PPP1CB: variants seen among roughly 807,000 people sequenced by gnomAD.
PPP1CB encodes the protein serine/threonine-protein phosphatase PP1-beta catalytic subunit.
In PPP1CB, 2 loss-of-function variants were observed where a neutral mutation model predicts 43.7. That is an observed-to-expected ratio of 0.05 (90% CI 0.02 to 0.14). The LOEUF (loss-of-function observed/expected upper bound fraction) is 0.14. PPP1CB is among the 10% of genes least tolerant of loss of function. The probability of loss-of-function intolerance (pLI) is 1.00; values close to 1 mark genes in which losing one functional copy is unlikely to be tolerated. For synonymous variants in PPP1CB, 136 were observed against 135.6 expected (o/e 1.00, Z -0.02); for missense variants, 84 against 398.0 (o/e 0.21, Z 6.71).
rs908440448 is a variant in PPP1CB, at chr2:28,751,936, C to T, written c.-189C>T. On this transcript the variant is annotated 5_prime_UTR_variant, in exon 1 of 8. Transcript: ENST00000395366. ...TTTATTTATTTTCCGTGGGTGCCTC[C>T]GAGTGTGCGCGCGCTCTCGCTACCC... 130 of 638,268 alleles carry T rather than the reference C, an allele frequency of 2.0e-4. No individual in the cohort carries two copies. The highest frequency in any genetic ancestry group is 3.3e-4 in the Non-Finnish European group (119 of 360,504). 39.5% of individuals were successfully genotyped at this position (638,268 alleles called of 1,614,324 possible). A position where few individuals can be genotyped will look rare whatever the true frequency, so the allele number is the denominator to read the frequency against.
In PPP1CB at chr2:28,800,272, C is replaced by T. The variant is rs1429962735; in HGVS notation, c.*969C>T. On this transcript the variant is annotated 3_prime_UTR_variant, in exon 8 of 8. Transcript: ENST00000395366. ...TTTGAGTTGTTGTTTGTTTTTAGAT[C>T]CACAGTACATGAGAATCCTTTTTTG... 1 of 93,360 alleles carries T rather than the reference C, an allele frequency of 1.1e-5. No homozygotes were observed. The highest frequency in any genetic ancestry group is 2.0e-5 in the Non-Finnish European group (1 of 49,604). The allele number at this position is 93,360 out of a possible 1,614,324, so 5.8% of individuals were successfully genotyped here.
upstream of PPP1CB, chr2:28,751,803 G>GGGCCGTCGGCGGCGCTGGTGAGC (rs1340676601): frequency 4.5e-6 from 2 of 444,704 alleles, no homozygotes; most frequent in Admixed American, 3.6e-5. Flanking sequence ...GCTGCGGGTG[G>GGGCCGTCGGCGGCGCTGGTGAGC]GGCCGTCGGC....
chr2:28,777,010 A>G (rs778920568), intron 2 of PPP1CB, 28 bp downstream of exon 2: 3 of 1,600,442 alleles, frequency 1.9e-6, no homozygotes, highest in South Asian at 2.2e-5. Context: ...GTTGGAAACA[A>G]CTCTTTTGAA....
At chr2:28,778,229 C>T (rs1225000589) in intron 2 of PPP1CB, 5 of 370,706 alleles carry the variant, frequency 1.3e-5, no homozygotes, top group East Asian at 7.3e-5. Flanking sequence ...TAAAAAGTGA[C>T]GTAAGTTAAA....
intron 7 of PPP1CB, among the ~76,000 whole-genome samples, chr2:28,796,577 G>A (rs1396372822): frequency 6.6e-6 from 1 of 152,014 alleles, no homozygotes; most frequent in Non-Finnish European, 1.5e-5. Context: ...TCTCAGCTTG[G>A]ATGTTTTTGA....
At chr2:28,795,979 A>G (rs1667488881) in intron 7 of PPP1CB, among the ~76,000 whole-genome samples, 1 of 152,070 alleles carries the variant, frequency 6.6e-6, no homozygotes, top group Non-Finnish European at 1.5e-5. Flanking sequence ...TGTATGGTGA[A>G]AGGGGTCCAG....
At chr2:28,780,555 G>A (rs1163344781) in intron 3 of PPP1CB, among the ~76,000 whole-genome samples, 1 of 152,174 alleles carries the variant, frequency 6.6e-6, no homozygotes, top group Non-Finnish European at 1.5e-5. Context: ...CATCAGAAAT[G>A]GAGGTATATT....
At chr2:28,757,574 GT>G (rs1222385504) in intron 1 of PPP1CB, among the ~76,000 whole-genome samples, 1 of 152,208 alleles carries the variant, frequency 6.6e-6, no homozygotes, top group Non-Finnish European at 1.5e-5. Flanking sequence ...TAGGGAAGGT[GT>G]TTTGTGTGGA....
At chr2:28,794,448 C>T (rs1197563949) in intron 7 of PPP1CB, among the ~76,000 whole-genome samples, 5 of 152,032 alleles carry the variant, frequency 3.3e-5, no homozygotes, top group Non-Finnish European at 7.4e-5. Context: ...CCCAGCACTT[C>T]GGGAGGCTGA....
At chr2:28,788,544 A>G in intron 5 of PPP1CB, 114 bp from the exon 6 acceptor site, 3 of 1,135,918 alleles carry the variant, frequency 2.6e-6, no homozygotes, top group Non-Finnish European at 3.8e-6. Flanking sequence ...AGTGATGGTC[A>G]TTGTTTAGTA....
chr2:28,761,754 G>A (rs1223881045), intron 1 of PPP1CB, among the ~76,000 whole-genome samples: 1 of 152,132 alleles, frequency 6.6e-6, no homozygotes, highest in East Asian at 1.9e-4. Context: ...TGACATATCA[G>A]TGTTGGTGCT....
chr2:28,754,793 A>G (rs1038845972), intron 1 of PPP1CB, among the ~76,000 whole-genome samples: 2 of 152,234 alleles, frequency 1.3e-5, no homozygotes, highest in Admixed American at 6.5e-5. Context: ...AAGAATAACT[A>G]TGGTTAGTGT....
chr2:28,775,404 C>T (rs992906838), intron 1 of PPP1CB, among the ~76,000 whole-genome samples: 3 of 152,162 alleles, frequency 2.0e-5, no homozygotes, highest in East Asian at 1.9e-4. Flanking sequence ...CCACCGTGCC[C>T]GGCCTTTATT....
At chr2:28,779,795 T>G (rs748925409) in intron 3 of PPP1CB, among the ~76,000 whole-genome samples, 1 of 152,204 alleles carries the variant, frequency 6.6e-6, no homozygotes, top group Non-Finnish European at 1.5e-5. Context: ...CATATCTCCT[T>G]GATTTATATA....
chr2:28,799,085 C>T, intron 7 of PPP1CB, 114 bp from the exon 8 acceptor site: 1 of 690,940 alleles, frequency 1.4e-6, no homozygotes, highest in Non-Finnish European at 2.5e-6. Flanking sequence ...TGCTATTCTA[C>T]ATTTTTATTG....
At chr2:28,781,665 A>G in intron 3 of PPP1CB, 73 bp from the exon 4 acceptor site, 1 of 1,025,560 alleles carries the variant, frequency 9.8e-7, no homozygotes, top group Non-Finnish European at 1.5e-6. Flanking sequence ...ATCATTCATA[A>G]TCCTGCGGCT....
intron 5 of PPP1CB, 24 bp downstream of exon 5, chr2:28,784,002 T>G: frequency 1.3e-6 from 2 of 1,541,008 alleles, no homozygotes; most frequent in African/African-American, 1.4e-5. Context: ...GAAGTTTAAT[T>G]GTTTTGTGTA....
chr2:28,797,424 T>A lies in PPP1CB; in HGVS notation c.880-1775T>A, dbSNP rs114442587. The stretch of plus-strand genomic sequence containing the variant: ...GCTTTTTTTGGTTTATAGGTTTTTT[T>A]ATTACTGATTCAGTTTTGGAACTTG... On this transcript the variant is annotated intron_variant, in intron 7 of 7. Coordinates refer to ENST00000395366, the MANE Select transcript of PPP1CB (RefSeq NM_002709.3). 2.9e-3 allele frequency among the ~76,000 whole-genome samples: 437 copies of A among 152,230 alleles called. 1 individual carries two copies. Among genetic ancestry groups the A allele is most frequent in the African/African-American group, 0.01 (419 of 41,548 alleles).
chr2:28,752,106 G>C lies in PPP1CB; in HGVS notation c.-19G>C. 6.5e-7 allele frequency: 1 copy of C among 1,550,246 alleles called. No individual in the cohort carries two copies. The highest frequency in any genetic ancestry group is 8.7e-7 in the Non-Finnish European group (1 of 1,146,284). On this transcript the variant is annotated 5_prime_UTR_variant, in exon 1 of 8. Coordinates refer to ENST00000395366, the MANE Select transcript of PPP1CB (RefSeq NM_002709.3). ...AGCCCTTGTTCCCGCTGCTGGGAAG[G>C]AGAGTCTGTGCCGACAAGATGGCGG...
Sources: gnomAD v4.1 joint callset for allele counts (sites outside exome capture counted in the v4.1 genomes callset) on GRCh38, gnomAD v4.1.1 for gene constraint, MANE v1.5 for transcripts, NCBI Gene and HGNC (gene_info 2026-07-23, HGNC 2026-07-21) for gene names.